The following AGBL1 variants were observed in gnomAD, a reference collection of about 807,000 sequenced individuals.
AGBL1 encodes the protein cytosolic carboxypeptidase 4.
AGBL1 carries 130 observed loss-of-function variants against 118.9 expected under a neutral mutation model. The ratio of observed to expected loss-of-function variants is 1.09; its 90% CI spans 0.95 to 1.26. AGBL1 has a LOEUF of 1.26. AGBL1 is among the 50% of genes most tolerant of loss of function. AGBL1 has a pLI of 0.00. For missense variants in AGBL1, 1,584 were observed against 1,298.1 expected (o/e 1.22, Z -3.38); for synonymous variants, 555 against 478.9 (o/e 1.16, Z -2.08).
intron 17 of AGBL1, among the ~76,000 whole-genome samples, chr15:86,321,482 AG>A (rs2141843901): frequency 6.6e-6 from 1 of 152,178 alleles, no homozygotes; most frequent in South Asian, 2.1e-4. Context: ...TAAAAATTTC[AG>A]AGAGGCCGGG....
At chr15:86,213,497 G>A (rs2078135343) in intron 5 of AGBL1, among the ~76,000 whole-genome samples, 1 of 152,166 alleles carries the variant, frequency 6.6e-6, no homozygotes, top group Non-Finnish European at 1.5e-5. Context: ...CGGGGCTGGA[G>A]CTTAAAACTC....
intron 6 of AGBL1, among the ~76,000 whole-genome samples, chr15:86,246,319 C>T (rs549715225): frequency 5.6e-4 from 85 of 152,268 alleles, no homozygotes; most frequent in Admixed American, 1.4e-3. Context: ...GTGTTTCTGT[C>T]GTTACAGAGC....
chr15:86,735,944 C>G (rs890270978), intron 22 of AGBL1, among the ~76,000 whole-genome samples: 6 of 152,032 alleles, frequency 3.9e-5, no homozygotes, highest in African/African-American at 1.4e-4. Flanking sequence ...ATTGCTTATT[C>G]ATTTTAATTG....
At chr15:86,124,206 TGTA>T (rs1898266289) in intron 1 of AGBL1, among the ~76,000 whole-genome samples, 1 of 151,638 alleles carries the variant, frequency 6.6e-6, no homozygotes, top group African/African-American at 2.4e-5. Flanking sequence ...GGCAGGTGCC[TGTA>T]GTCCCAGCTA....
chr15:86,258,084 G>T, intron 9 of AGBL1, 53 bp downstream of exon 9: 1 of 1,559,472 alleles, frequency 6.4e-7, no homozygotes, highest in Non-Finnish European at 8.7e-7. Flanking sequence ...ATCATGCACA[G>T]AAAAATATTA....
At chr15:86,901,549 A>G (rs2080212208) in intron 22 of AGBL1, among the ~76,000 whole-genome samples, 1 of 152,068 alleles carries the variant, frequency 6.6e-6, no homozygotes, top group Non-Finnish European at 1.5e-5. Flanking sequence ...ATTTTGTTAG[A>G]CCAACTTATA....
In AGBL1 at chr15:86,411,924, G is replaced by A. The variant is rs116625432; in HGVS notation, c.2555+14378G>A. Among the ~76,000 whole-genome samples the A allele has an allele frequency of 7.8e-4, 119 of 152,214 alleles. 1 individual carries two copies. The highest frequency in any genetic ancestry group is 2.7e-3 in the African/African-American group (111 of 41,526). On this transcript the variant is annotated intron_variant, in intron 18 of 22. Coordinates refer to ENST00000614907, the MANE Select transcript of AGBL1 (RefSeq NM_001386094.1). Reference sequence around the variant, plus strand: ...GTCTCTGTTACTCTGTTCATACCCTGCTTAGGAGATTGTGTCTAATTAGGG... The same window carrying A: ...GTCTCTGTTACTCTGTTCATACCCTACTTAGGAGATTGTGTCTAATTAGGG...
At chr15:86,124,002 G>A (rs962444528) in intron 1 of AGBL1, among the ~76,000 whole-genome samples, 6 of 152,106 alleles carry the variant, frequency 3.9e-5, no homozygotes, top group African/African-American at 1.4e-4. Flanking sequence ...TAGTGAACCT[G>A]GTGAAATCTA....
At chr15:86,159,333 C>T (rs2077235046) in intron 5 of AGBL1, among the ~76,000 whole-genome samples, 1 of 152,092 alleles carries the variant, frequency 6.6e-6, no homozygotes, top group South Asian at 2.1e-4. Context: ...AGATTTGATT[C>T]CAGATCTTTC....
chr15:86,227,372 C>G (rs908060916), intron 6 of AGBL1, among the ~76,000 whole-genome samples: 10 of 152,252 alleles, frequency 6.6e-5, no homozygotes, highest in African/African-American at 2.4e-4. Context: ...AACATTCTTT[C>G]TAACACTAAA....
chr15:86,764,884 C>G (rs962439615), intron 22 of AGBL1, among the ~76,000 whole-genome samples: 7 of 152,020 alleles, frequency 4.6e-5, no homozygotes, highest in African/African-American at 1.4e-4. Context: ...AATCTCTACT[C>G]TAATGAACCT....
At chr15:86,976,955 T>C (rs1037109601) in intron 23 of AGBL1, among the ~76,000 whole-genome samples, 1 of 152,052 alleles carries the variant, frequency 6.6e-6, no homozygotes. Context: ...ATACTACATT[T>C]GCAGCATGTT....
chr15:86,385,812 GC>G (rs1218657461), intron 17 of AGBL1, among the ~76,000 whole-genome samples: 34 of 152,240 alleles, frequency 2.2e-4, no homozygotes, highest in Non-Finnish European at 2.6e-4. Flanking sequence ...AGTGATGTGT[GC>G]ATCCTTTGGG....
intron 21 of AGBL1, among the ~76,000 whole-genome samples, chr15:86,563,965 T>C (rs1486494839): frequency 1.3e-5 from 2 of 152,216 alleles, no homozygotes; most frequent in African/African-American, 2.4e-5. Flanking sequence ...CCTGCCTTTT[T>C]TGTTTTCCAT....
At chr15:86,765,869 T>C (rs936085336) in intron 22 of AGBL1, among the ~76,000 whole-genome samples, 2 of 151,922 alleles carry the variant, frequency 1.3e-5, no homozygotes, top group Non-Finnish European at 2.9e-5. Context: ...GTGGTTTCAG[T>C]AGACTGAGCT....
chr15:86,606,489 A>T (rs926571649), intron 21 of AGBL1, among the ~76,000 whole-genome samples: 2 of 152,164 alleles, frequency 1.3e-5, no homozygotes, highest in Non-Finnish European at 2.9e-5. Flanking sequence ...TGGACACCTG[A>T]TAATTGTTGA....
chr15:86,268,472 C>T (rs554612647), intron 13 of AGBL1, among the ~76,000 whole-genome samples: 15 of 152,264 alleles, frequency 9.9e-5, no homozygotes, highest in Non-Finnish European at 1.9e-4. Context: ...GATCAGGATG[C>T]GGCTAAGCTG....
intron 24 of AGBL1, among the ~76,000 whole-genome samples, chr15:87,002,214 A>T (rs911940328): frequency 6.6e-5 from 10 of 152,090 alleles, no homozygotes; most frequent in African/African-American, 2.4e-4. Flanking sequence ...CAGTTTTCCC[A>T]GCACCATTTA....
At chr15:86,994,273 T>C (rs1259933287) in intron 24 of AGBL1, among the ~76,000 whole-genome samples, 2 of 151,912 alleles carry the variant, frequency 1.3e-5, no homozygotes, top group African/African-American at 4.8e-5. Flanking sequence ...TTGAACAACT[T>C]TGAAAAGCCT....
Sources: allele counts gnomAD v4.1 joint callset (sites outside exome capture counted in the v4.1 genomes callset), GRCh38; gene constraint gnomAD v4.1.1; transcripts MANE v1.5; gene names NCBI Gene and HGNC (gene_info 2026-07-23, HGNC 2026-07-21).